The following FAM78B variants were observed in gnomAD, a reference collection of about 807,000 sequenced individuals.
FAM78B encodes the protein protein FAM78B.
FAM78B carries 10 observed loss-of-function variants against 20.0 expected under a neutral mutation model. That is an observed-to-expected ratio of 0.50 (90% confidence interval 0.31 to 0.85). The LOEUF is 0.85. FAM78B is among the 40% of genes least tolerant of loss of function. The probability of loss-of-function intolerance (pLI) is 0.05; values close to 1 mark genes in which losing one functional copy is unlikely to be tolerated. For synonymous variants in FAM78B, 135 were observed against 132.8 expected (o/e 1.02, Z -0.12); for missense variants, 283 against 345.0 (o/e 0.82, Z 1.42).
chr1:166,158,483 G>A (rs1242408591), intron 1 of FAM78B, among the ~76,000 whole-genome samples: 1 of 152,164 alleles, frequency 6.6e-6, no homozygotes. Flanking sequence ...TCCCTCACTG[G>A]GTAAGATTTC....
chr1:166,121,776 CAG>C (rs1654472292), intron 1 of FAM78B, among the ~76,000 whole-genome samples: 1 of 152,204 alleles, frequency 6.6e-6, no homozygotes, highest in Non-Finnish European at 1.5e-5. Context: ...GAACCTGAGA[CAG>C]AGAGCAGGTA....
chr1:166,074,720 T>G (rs1207662930), intron 1 of FAM78B, among the ~76,000 whole-genome samples: 1 of 152,240 alleles, frequency 6.6e-6, no homozygotes, highest in Non-Finnish European at 1.5e-5. Context: ...TATCATGCCT[T>G]GCACGGAAAG....
intron 1 of FAM78B, among the ~76,000 whole-genome samples, chr1:166,124,297 G>T (rs1052381540): frequency 1.3e-5 from 2 of 152,166 alleles, no homozygotes; most frequent in Non-Finnish European, 1.5e-5. Flanking sequence ...AGACTAGATT[G>T]CTTCTTTTTG....
intron 1 of FAM78B, among the ~76,000 whole-genome samples, chr1:166,089,412 C>T (rs138062985): frequency 4.3e-4 from 66 of 152,098 alleles, no homozygotes; most frequent in African/African-American, 1.3e-3. Flanking sequence ...AAACAGGTAG[C>T]GACAAGGGGC....
chr1:166,121,322 C>T (rs1654458479), intron 1 of FAM78B, among the ~76,000 whole-genome samples: 1 of 152,098 alleles, frequency 6.6e-6, no homozygotes, highest in South Asian at 2.1e-4. Context: ...TCTGTCTACA[C>T]CCTCACCTCG....
chr1:166,117,347 T>C (rs2101764777), intron 1 of FAM78B, among the ~76,000 whole-genome samples: 1 of 152,290 alleles, frequency 6.6e-6, no homozygotes, highest in African/African-American at 2.4e-5. Context: ...AATAGCACAC[T>C]TTTTCTCTTT....
At position 166,166,204 on chromosome 1, in the gene FAM78B, G is replaced by A. The variant is rs762470109; in HGVS notation, c.45C>T (p.Arg15=). The stretch of plus-strand genomic sequence containing the variant: ...ACACATCGTACACCACGATGTTCTC[G>A]CGCCGGATCCGCGCCTTGCAGGTGA... The part of the protein sequence containing the change: ...QSITCKARIR[R]ENIVVYDVCA... The change falls in exon 1 of 2, where the codon CGC becomes CGT. Residue 15 remains arginine (R), a synonymous_variant. Coordinates refer to ENST00000354422, the MANE Select transcript of FAM78B (RefSeq NM_001017961.5). 69 of 1,578,384 alleles carry A rather than the reference G, an allele frequency of 4.4e-5. No individual in the cohort carries two copies. The highest frequency in any genetic ancestry group is 5.9e-5 in the Non-Finnish European group (69 of 1,160,976).
downstream of FAM78B, among the ~76,000 whole-genome samples, chr1:166,064,464 G>C (rs562003345): frequency 6.6e-6 from 1 of 152,250 alleles, no homozygotes; most frequent in East Asian, 1.9e-4. Flanking sequence ...GCCTAGACTT[G>C]ACATTCCAGC....
chr1:166,153,080 T>C (rs1420631952), intron 1 of FAM78B, among the ~76,000 whole-genome samples: 1 of 152,162 alleles, frequency 6.6e-6, no homozygotes, highest in African/African-American at 2.4e-5. Context: ...CATCCATGGT[T>C]TTTGGAAACC....
chr1:166,141,114 C>A (rs1350993255), intron 1 of FAM78B, among the ~76,000 whole-genome samples: 1 of 152,228 alleles, frequency 6.6e-6, no homozygotes, highest in Non-Finnish European at 1.5e-5. Flanking sequence ...GCAGGTGGAA[C>A]CCTCACAAAG....
Position 166,070,778 on chromosome 1 carries a change from G to C in FAM78B, c.264-15C>G, listed in dbSNP as rs775313254. On this transcript the variant is annotated splice_polypyrimidine_tract_variant and intron_variant, in intron 1 of 1. Transcript: ENST00000354422. ...CCCAGCTTGACCTGGCAAAGCAGAA[G>C]ACATGCACAAGAAAAGAAGAGGCTG... 6.6e-7 allele frequency: 1 copy of C among 1,526,214 alleles called. No homozygotes were observed. 94.5% of individuals were successfully genotyped at this position (1,526,214 alleles called of 1,614,324 possible). A position where few individuals can be genotyped will look rare whatever the true frequency, so the allele number is the denominator to read the frequency against.
At position 166,103,118 on chromosome 1, in the gene FAM78B, G is replaced by A. The variant is rs192859868; in HGVS notation, c.264-32355C>T. Among the ~76,000 whole-genome samples the A allele has an allele frequency of 5.1e-4, 78 of 152,290 alleles. No homozygotes were observed. The East Asian group carries it at 0.012, about 23-fold the overall frequency. ...CCTGAATGACTATTGGGTACATAACGAAAGGAAGGCAGAAATAAAGATGTT... is the reference window on the plus strand; with the variant it reads ...CCTGAATGACTATTGGGTACATAACAAAAGGAAGGCAGAAATAAAGATGTT... On this transcript the variant is annotated intron_variant, in intron 1 of 1. Transcript: ENST00000354422.
intron 1 of FAM78B, among the ~76,000 whole-genome samples, chr1:166,091,691 G>T (rs1653080208): frequency 6.6e-6 from 1 of 152,126 alleles, no homozygotes; most frequent in African/African-American, 2.4e-5. Flanking sequence ...TCCTCCATAA[G>T]GATTTGGAGG....
chr1:166,140,614 G>A (rs1482110813), intron 1 of FAM78B, among the ~76,000 whole-genome samples: 1 of 152,210 alleles, frequency 6.6e-6, no homozygotes. Flanking sequence ...TGCTGATGCT[G>A]AATAAGCCAT....
chr1:166,132,055 TCTCCAATTTTAAAAA>T (rs952429080), intron 1 of FAM78B, among the ~76,000 whole-genome samples: 1 of 152,194 alleles, frequency 6.6e-6, no homozygotes. Flanking sequence ...AGCACAATTT[TCTCCAATTTTAAAAA>T]CTTGTCAGCA....
At chr1:166,067,853 C>A (rs574964653), downstream of FAM78B, among the ~76,000 whole-genome samples, 1 of 152,176 alleles carries the variant, frequency 6.6e-6, no homozygotes, top group East Asian at 1.9e-4. Context: ...ATACAACTTC[C>A]CAGAAAACTG....
Position 166,069,897 on chromosome 1 carries a change from TG to T in FAM78B, c.*343del. The T allele has an allele frequency of 1.2e-6, 1 of 825,904 alleles. No homozygotes were observed. The highest frequency in any genetic ancestry group is 1.5e-6 in the Non-Finnish European group (1 of 675,826). 51.2% of individuals were successfully genotyped at this position (825,904 alleles called of 1,614,324 possible). A position where few individuals can be genotyped will look rare whatever the true frequency, so the allele number is the denominator to read the frequency against. ...GGGAAGCAGCATTTGCCACAGGCAC[TG>T]TTTAATTTCGTTTCCATCCCCTGCA... On this transcript the variant is annotated 3_prime_UTR_variant, in exon 2 of 2. Transcript: ENST00000354422.
intron 1 of FAM78B, among the ~76,000 whole-genome samples, chr1:166,164,311 A>G (rs1656273303): frequency 6.6e-6 from 1 of 152,194 alleles, no homozygotes; most frequent in Non-Finnish European, 1.5e-5. Flanking sequence ...GGGAAATGAG[A>G]GGAAGGGCTC....
At chr1:166,060,580 G>GC in exon 3 of FAM78B, 1 of 1,287,386 alleles carries the variant, frequency 7.8e-7, no homozygotes, top group Non-Finnish European at 1.0e-6. Context: ...AGCTTCTGGA[G>GC]CCGCCAGCCA....
Sources: allele counts gnomAD v4.1 joint callset (sites outside exome capture counted in the v4.1 genomes callset), GRCh38; gene constraint gnomAD v4.1.1; transcripts MANE v1.5; gene names NCBI Gene and HGNC (gene_info 2026-07-23, HGNC 2026-07-21).